ZBTB38: variants seen among roughly 807,000 people sequenced by gnomAD.
The protein encoded by ZBTB38 is zinc finger and BTB domain-containing protein 38.
In ZBTB38, 20 loss-of-function variants were observed where a neutral mutation model predicts 76.8. The observed-to-expected ratio is 0.26, with a 90% confidence interval of 0.18 to 0.38. The LOEUF is 0.38. Among genes scored for constraint, ZBTB38 ranks in the 10% least tolerant of loss-of-function variants. The pLI is 1.00. For synonymous variants in ZBTB38, 504 were observed against 544.2 expected, an observed-to-expected ratio of 0.93 and a Z score of 1.03; for missense variants, 1,082 against 1,482.3, an observed-to-expected ratio of 0.73 and a Z score of 4.43.
chr3:141,328,499 G>A (rs1384549135), intron 1 of ZBTB38, among the ~76,000 whole-genome samples: 1 of 152,114 alleles, frequency 6.6e-6, no homozygotes, highest in African/African-American at 2.4e-5. Context: ...GTCCATCCCA[G>A]AAATCCCCTC....
Position 141,443,293 on chromosome 3 carries a change from C to T in ZBTB38, c.905C>T (p.Ala302Val). 1 of 1,614,228 alleles carries T rather than the reference C, an allele frequency of 6.2e-7. No homozygotes were observed. ...CAAGAAAGAAGTCCACAACCAGCTG[C>T]TGTTCTCACTCGTTCAAAATCTCCA... is the stretch of plus-strand genomic sequence containing the variant. The part of the protein sequence containing the change: ...VNQERSPQPA[A>V]VLTRSKSPNN... The change falls in exon 6 of 6, where the codon GCT becomes GTT. Residue 302 changes from alanine (A) to valine (V), a missense_variant. Ala to Val is a moderately conservative substitution (Grantham distance 64). Transcript: ENST00000321464. The surrounding 1 kb of genome is among the most constrained non-coding windows in gnomAD (Gnocchi z 5.6).
intron 1 of ZBTB38, among the ~76,000 whole-genome samples, chr3:141,350,432 T>G (rs1432873896): frequency 2.0e-5 from 3 of 152,234 alleles, no homozygotes; most frequent in Non-Finnish European, 4.4e-5. Flanking sequence ...TGTCATCATT[T>G]TATCCCTCAA....
At chr3:141,409,479 G>T (rs187699036) in intron 5 of ZBTB38, among the ~76,000 whole-genome samples, 17 of 152,312 alleles carry the variant, frequency 1.1e-4, no homozygotes, top group Non-Finnish European at 1.9e-4. Flanking sequence ...TAACTGAGAG[G>T]CTCAGAGATC....
chr3:141,426,136 A>G, intron 5 of ZBTB38: 1 of 1,289,422 alleles, frequency 7.8e-7, no homozygotes, highest in South Asian at 1.2e-5. Flanking sequence ...CAGGCTGCCC[A>G]GAGGGGCTCC....
chr3:141,384,502 G>A (rs914513428), intron 3 of ZBTB38, among the ~76,000 whole-genome samples: 7 of 152,160 alleles, frequency 4.6e-5, no homozygotes, highest in African/African-American at 1.7e-4. Context: ...TCATTGATGG[G>A]GAATATCTCA....
chr3:141,378,357 C>G (rs1315968505), intron 2 of ZBTB38, among the ~76,000 whole-genome samples: 1 of 134,328 alleles, frequency 7.4e-6, no homozygotes, highest in African/African-American at 2.8e-5. Flanking sequence ...TGTAGACATA[C>G]AGGTACACAC....
intron 1 of ZBTB38, among the ~76,000 whole-genome samples, chr3:141,327,102 C>A (rs186497640): frequency 3.1e-4 from 47 of 152,192 alleles, no homozygotes; most frequent in African/African-American, 1.0e-3. Flanking sequence ...AGTTGACAGG[C>A]CTGTGTGTTC....
intron 4 of ZBTB38, among the ~76,000 whole-genome samples, chr3:141,397,621 T>C (rs1950628179): frequency 6.6e-6 from 1 of 152,242 alleles, no homozygotes. Flanking sequence ...ATTCTTCCTT[T>C]CACTTGAACA....
At chr3:141,347,397 G>A (rs1265508372) in intron 1 of ZBTB38, among the ~76,000 whole-genome samples, 1 of 152,168 alleles carries the variant, frequency 6.6e-6, no homozygotes, top group Non-Finnish European at 1.5e-5. Flanking sequence ...AATTTGATCT[G>A]AGTATATATA....
At position 141,395,910 on chromosome 3, in the gene ZBTB38, G is replaced by C. The variant is rs932078489; in HGVS notation, c.-105-8017G>C. On this transcript the variant is annotated intron_variant, in intron 4 of 5. Transcript: ENST00000321464. The stretch of plus-strand genomic sequence containing the variant: ...ATGCCTTAAAAATGTATATACCTTA[G>C]TTTAAAAATAATTTGTTGCTAAAAT... Among the ~76,000 whole-genome samples the C allele has an allele frequency of 9.9e-5, 15 of 152,186 alleles. 1 individual carries two copies. Among genetic ancestry groups the C allele is most frequent in the Admixed American group, 3.3e-4 (5 of 15,280 alleles).
chr3:141,439,427 A>G (rs190154071), intron 5 of ZBTB38, among the ~76,000 whole-genome samples: 1 of 152,364 alleles, frequency 6.6e-6, no homozygotes, highest in African/African-American at 2.4e-5. Context: ...AATGACATAT[A>G]TAATGATATT....
At position 141,413,489 on chromosome 3, in the gene ZBTB38, C is replaced by G. The variant is rs768467217; in HGVS notation, c.-1+9458C>G. Among the ~76,000 whole-genome samples, 1 of 152,158 alleles carries G rather than the reference C, an allele frequency of 6.6e-6. No homozygotes were observed. The highest frequency in any genetic ancestry group is 1.5e-5 in the Non-Finnish European group (1 of 68,036). On this transcript the variant is annotated intron_variant, in intron 5 of 5. Transcript: ENST00000321464. The surrounding 1 kb of genome is among the most constrained non-coding windows in gnomAD (Gnocchi z 4.1). The stretch of plus-strand genomic sequence containing the variant: ...CCCTATTGTTTTGAATACCTGACAG[C>G]TGGATGGTCCAGGCCCTATTTCTAT...
intron 1 of ZBTB38, among the ~76,000 whole-genome samples, chr3:141,334,665 G>A (rs952421191): frequency 2.0e-5 from 3 of 152,054 alleles, no homozygotes; most frequent in African/African-American, 4.8e-5. Flanking sequence ...GGACTGTCCT[G>A]TGGTCTGCAG....
intron 1 of ZBTB38, among the ~76,000 whole-genome samples, chr3:141,347,369 C>T (rs1027232222): frequency 6.6e-6 from 1 of 152,184 alleles, no homozygotes; most frequent in African/African-American, 2.4e-5. Flanking sequence ...ACAGTCTTGA[C>T]TTGACTGGAC....
chr3:141,340,058 T>A (rs945374539), intron 1 of ZBTB38, among the ~76,000 whole-genome samples: 2 of 152,250 alleles, frequency 1.3e-5, no homozygotes, highest in African/African-American at 4.8e-5. Context: ...CCACCAGGAA[T>A]GGTCTTGACT....
intron 1 of ZBTB38, among the ~76,000 whole-genome samples, chr3:141,339,762 T>C (rs990183658): frequency 6.6e-6 from 1 of 152,104 alleles, no homozygotes; most frequent in African/African-American, 2.4e-5. Context: ...AATTCTATTT[T>C]TGACATGTTA....
intron 5 of ZBTB38, among the ~76,000 whole-genome samples, chr3:141,422,269 C>T (rs947071095): frequency 6.6e-6 from 1 of 152,176 alleles, no homozygotes; most frequent in African/African-American, 2.4e-5. Context: ...AGCCCCATGC[C>T]CCTTTCTCTC....
intron 4 of ZBTB38, among the ~76,000 whole-genome samples, chr3:141,398,592 C>A (rs1357214118): frequency 1.3e-5 from 2 of 152,026 alleles, no homozygotes; most frequent in African/African-American, 2.4e-5. Flanking sequence ...ACCCTCAGTT[C>A]TTTGACAATT....
intron 5 of ZBTB38, among the ~76,000 whole-genome samples, chr3:141,404,515 A>C (rs1360514558): frequency 6.6e-6 from 1 of 152,120 alleles, no homozygotes; most frequent in African/African-American, 2.4e-5. Context: ...CATCCCCGGG[A>C]CACTTGCAGC....
Sources: allele counts gnomAD v4.1 joint callset (sites outside exome capture counted in the v4.1 genomes callset), GRCh38; gene constraint gnomAD v4.1.1; non-coding constraint Gnocchi (gnomAD v3.1); transcripts MANE v1.5; gene names NCBI Gene and HGNC (gene_info 2026-07-23, HGNC 2026-07-21).